The following SLC14A2 variants were observed in gnomAD, a reference collection of about 807,000 sequenced individuals.
The protein encoded by SLC14A2 is solute carrier family 14 member 2.
Under a neutral mutation model 104.6 loss-of-function variants are expected in SLC14A2, and 91 were observed. That is an observed-to-expected ratio of 0.87 (90% CI 0.73 to 1.04). The LOEUF (loss-of-function observed/expected upper bound fraction) is 1.04. Among genes scored for constraint, SLC14A2 ranks in the 50% least tolerant of loss-of-function variants. SLC14A2 has a pLI of 0.00. For missense variants in SLC14A2, 1,189 were observed against 1,156.0 expected, an observed-to-expected ratio of 1.03 and a Z score of -0.41; for synonymous variants, 476 against 466.4, an observed-to-expected ratio of 1.02 and a Z score of -0.27.
chr18:45,473,192 T>G (rs1313207258), intron 1 of SLC14A2, among the ~76,000 whole-genome samples: 1 of 152,362 alleles, frequency 6.6e-6, no homozygotes, highest in Non-Finnish European at 1.5e-5. Context: ...GTTGTAGATG[T>G]GTGGCATTAC....
At chr18:45,390,440 C>T (rs1372842033) in intron 1 of SLC14A2, among the ~76,000 whole-genome samples, 2 of 152,110 alleles carry the variant, frequency 1.3e-5, no homozygotes, top group Non-Finnish European at 2.9e-5. Flanking sequence ...TGCTGTTTAC[C>T]AGTGTTGTCT....
chr18:45,599,572 T>C (rs1296968036), intron 2 of SLC14A2, among the ~76,000 whole-genome samples: 1 of 152,200 alleles, frequency 6.6e-6, no homozygotes, highest in Non-Finnish European at 1.5e-5. Context: ...AACATGATTG[T>C]GTCTGTCTCT....
chr18:45,443,477 C>A (rs1490341885), intron 1 of SLC14A2, among the ~76,000 whole-genome samples: 2 of 152,008 alleles, frequency 1.3e-5, no homozygotes, highest in African/African-American at 4.8e-5. Context: ...GGATGTGTGG[C>A]AGAACTGTCT....
chr18:45,598,048 C>T (rs911992135), intron 2 of SLC14A2, among the ~76,000 whole-genome samples: 4 of 152,140 alleles, frequency 2.6e-5, no homozygotes, highest in African/African-American at 9.6e-5. Flanking sequence ...ATACATTTTG[C>T]ATTTTACTGA....
chr18:45,378,918 G>A (rs932398784), intron 1 of SLC14A2, among the ~76,000 whole-genome samples: 6 of 152,148 alleles, frequency 3.9e-5, no homozygotes, highest in African/African-American at 1.4e-4. Flanking sequence ...GTCGCTCAAT[G>A]CATTTTGATC....
chr18:45,650,056 C>G (rs2045704230), intron 10 of SLC14A2, among the ~76,000 whole-genome samples: 1 of 152,156 alleles, frequency 6.6e-6, no homozygotes, highest in Non-Finnish European at 1.5e-5. Flanking sequence ...TCTGGAACTC[C>G]TATATCCATG....
At chr18:45,542,860 C>A (rs909740947) in intron 2 of SLC14A2, among the ~76,000 whole-genome samples, 1 of 151,878 alleles carries the variant, frequency 6.6e-6, no homozygotes, top group Non-Finnish European at 1.5e-5. Flanking sequence ...TATCCCTGGG[C>A]TGTTATTTAT....
intron 1 of SLC14A2, among the ~76,000 whole-genome samples, chr18:45,457,079 T>A (rs1254891483): frequency 6.6e-6 from 1 of 152,122 alleles, no homozygotes; most frequent in Non-Finnish European, 1.5e-5. Flanking sequence ...TAAAAAAAAA[T>A]CAATTCCACT....
At chr18:45,512,151 AG>A (rs2144789671) in intron 2 of SLC14A2, among the ~76,000 whole-genome samples, 1 of 152,344 alleles carries the variant, frequency 6.6e-6, no homozygotes, top group African/African-American at 2.4e-5. Flanking sequence ...AGCACATTTC[AG>A]CAGAAAGAGA....
chr18:45,188,915 ATGC>A, the SLC14A2 span, among the ~76,000 whole-genome samples: 1 of 152,224 alleles, frequency 6.6e-6, no homozygotes, highest in Non-Finnish European at 1.5e-5. Flanking sequence ...ATCTGACAAC[ATGC>A]CCAGAACATC....
rs975385448 is a variant in SLC14A2 at position 45,333,304 on chromosome 18, G to A, written c.-125+120113G>A. Reference sequence around the variant, plus strand: ...AAAAAAAATCCTTATTTGTAATAGTGGCTACAGTATGCAATAAAGCCAGTG... The same window carrying A: ...AAAAAAAATCCTTATTTGTAATAGTAGCTACAGTATGCAATAAAGCCAGTG... On this transcript the variant is annotated intron_variant, in intron 1 of 20. Transcript: ENST00000586448. Among the ~76,000 whole-genome samples the A allele has an allele frequency of 5.3e-5, 8 of 152,186 alleles. No individual in the cohort carries two copies. In the East Asian group the frequency reaches 5.8e-4, roughly 11 times the overall value.
intron 2 of SLC14A2, among the ~76,000 whole-genome samples, chr18:45,606,494 C>G (rs182203865): frequency 6.4e-4 from 97 of 152,272 alleles, no homozygotes; most frequent in Non-Finnish European, 1.2e-3. Context: ...ACCACTGAAA[C>G]TATTGCATTC....
intron 1 of SLC14A2, among the ~76,000 whole-genome samples, chr18:45,234,386 G>A (rs1160289461): frequency 6.6e-6 from 1 of 152,184 alleles, no homozygotes; most frequent in Non-Finnish European, 1.5e-5. Context: ...TTGGGCATCT[G>A]TTAAGTCTTT....
chr18:45,588,695 T>G (rs1192813465), intron 2 of SLC14A2, among the ~76,000 whole-genome samples: 1 of 152,200 alleles, frequency 6.6e-6, no homozygotes, highest in Admixed American at 6.5e-5. Flanking sequence ...GGGGATTGAT[T>G]TTGTGACCTT....
chr18:45,583,508 T>G (rs1280992801), intron 2 of SLC14A2, among the ~76,000 whole-genome samples: 1 of 152,194 alleles, frequency 6.6e-6, no homozygotes, highest in Non-Finnish European at 1.5e-5. Context: ...TTATTCATCT[T>G]AAATCTACAT....
intron 1 of SLC14A2, among the ~76,000 whole-genome samples, chr18:45,371,661 C>G (rs370159849): frequency 6.6e-6 from 1 of 152,144 alleles, no homozygotes; most frequent in South Asian, 2.1e-4. Flanking sequence ...GCTTTTCTAT[C>G]CCCCTCAATG....
At chr18:45,355,896 C>T (rs1334638792) in intron 1 of SLC14A2, among the ~76,000 whole-genome samples, 2 of 152,124 alleles carry the variant, frequency 1.3e-5, no homozygotes, top group African/African-American at 4.8e-5. Context: ...GGGTTAATCT[C>T]AACCAAGGTA....
chr18:45,627,025 C>G lies in SLC14A2; in HGVS notation c.399C>G (p.Asn133Lys). The G allele has an allele frequency of 6.2e-7, 1 of 1,613,252 alleles. No homozygotes were observed. The highest frequency in any genetic ancestry group is 8.5e-7 in the Non-Finnish European group (1 of 1,179,912). ...GGACCGCTCAGGTGATGTTCATCAA[C>G]AATCCTCTCAGCGGCCTCATCATCT... The part of the protein sequence containing the change: ...LRGTAQVMFI[N>K]NPLSGLIIFI... The change falls in exon 4 of 20, where the codon AAC (asparagine) becomes AAG (lysine). Residue 133 changes from asparagine to lysine, a missense_variant. Transcript: ENST00000255226.
chr18:45,272,187 T>C (rs1039840606), intron 1 of SLC14A2, among the ~76,000 whole-genome samples: 24 of 151,824 alleles, frequency 1.6e-4, no homozygotes, highest in African/African-American at 5.8e-4. Context: ...AGTTTGGAGG[T>C]TCCTCAAAAA....
Sources: gnomAD v4.1 joint callset for allele counts (sites outside exome capture counted in the v4.1 genomes callset) on GRCh38, gnomAD v4.1.1 for gene constraint, MANE v1.5 for transcripts, NCBI Gene and HGNC (gene_info 2026-07-23, HGNC 2026-07-21) for gene names.